The following INPP5A variants were observed in gnomAD, a reference collection of about 807,000 sequenced individuals.
INPP5A encodes 43 kDa inositol polyphosphate 5-phophatase.
In INPP5A, 14 loss-of-function variants were observed where a neutral mutation model predicts 65.2. The ratio of observed to expected loss-of-function variants is 0.21; its 90% CI spans 0.14 to 0.34. The LOEUF (loss-of-function observed/expected upper bound fraction) is 0.34. Among genes scored for constraint, INPP5A ranks in the 10% least tolerant of loss-of-function variants. The probability of loss-of-function intolerance (pLI) is 1.00; values close to 1 mark genes in which losing one functional copy is unlikely to be tolerated. For synonymous variants in INPP5A, 207 were observed against 208.3 expected, an observed-to-expected ratio of 0.99 and a Z score of 0.05; for missense variants, 431 against 545.6, an observed-to-expected ratio of 0.79 and a Z score of 2.09.
At position 132,757,204 on chromosome 10, in the gene INPP5A, C is replaced by G. The variant is rs532311148; in HGVS notation, c.903+7359C>G. ...TTCCGTATTTATAAAGTCTGACATT[C>G]TGTTACTCTCAGCGCTGGGCATTTC... On this transcript the variant is annotated intron_variant, in intron 11 of 15. Coordinates refer to ENST00000368594, the MANE Select transcript of INPP5A (RefSeq NM_005539.5). Among the ~76,000 whole-genome samples, 3 of 152,338 alleles carry G rather than the reference C, an allele frequency of 2.0e-5. No homozygotes were observed. The South Asian group carries it at 6.2e-4, about 32-fold the overall frequency.
At chr10:132,691,565 A>T (rs1247690188) in intron 5 of INPP5A, among the ~76,000 whole-genome samples, 1 of 152,250 alleles carries the variant, frequency 6.6e-6, no homozygotes, top group Non-Finnish European at 1.5e-5. Context: ...AGCCATTTGA[A>T]TACCTGTTTT....
At chr10:132,666,448 G>C (rs899773320) in intron 4 of INPP5A, among the ~76,000 whole-genome samples, 1 of 152,164 alleles carries the variant, frequency 6.6e-6, no homozygotes, top group African/African-American at 2.4e-5. Context: ...TATGGAAAAG[G>C]TGGAATTTAG....
chr10:132,730,184 C>T (rs1437510760), intron 9 of INPP5A, among the ~76,000 whole-genome samples: 3 of 152,246 alleles, frequency 2.0e-5, no homozygotes, highest in South Asian at 2.1e-4. Flanking sequence ...CTGTCCTCAG[C>T]CCCTGCGGGG....
chr10:132,592,163 A>C (rs576943766), intron 1 of INPP5A, among the ~76,000 whole-genome samples: 6 of 152,320 alleles, frequency 3.9e-5, no homozygotes, highest in Non-Finnish European at 5.9e-5. Flanking sequence ...ACAGAAAAAA[A>C]CCCCAGAAAG....
At chr10:132,770,358 G>T (rs377102153) in intron 12 of INPP5A, among the ~76,000 whole-genome samples, 1 of 152,246 alleles carries the variant, frequency 6.6e-6, no homozygotes, top group Non-Finnish European at 1.5e-5. Context: ...GCGTTTCCTC[G>T]CGGAGGCCGT....
At chr10:132,680,999 G>A (rs556715751) in intron 4 of INPP5A, among the ~76,000 whole-genome samples, 2 of 152,360 alleles carry the variant, frequency 1.3e-5, no homozygotes, top group African/African-American at 2.4e-5. Context: ...GCTCCAGGGC[G>A]CCCAGTCCCA....
intron 1 of INPP5A, among the ~76,000 whole-genome samples, chr10:132,542,921 G>A (rs1331845178): frequency 6.6e-6 from 1 of 152,190 alleles, no homozygotes; most frequent in Non-Finnish European, 1.5e-5. Context: ...TCCTGCCTCA[G>A]CCTTCTAAGT....
chr10:132,590,513 T>G lies in INPP5A; in HGVS notation c.76-17402T>G, dbSNP rs569737371. Reference sequence around the variant, plus strand: ...ACTGTTGGAACACAGGTGTGGACATTGCGACACGTGTAAAGATGTCAGTGG... The same window carrying G: ...ACTGTTGGAACACAGGTGTGGACATGGCGACACGTGTAAAGATGTCAGTGG... On this transcript the variant is annotated intron_variant, in intron 1 of 15. Coordinates refer to ENST00000368594, the MANE Select transcript of INPP5A (RefSeq NM_005539.5). 6.6e-5 allele frequency among the ~76,000 whole-genome samples: 10 copies of G among 152,192 alleles called. No homozygotes were observed. The South Asian group carries it at 2.1e-3, about 32-fold the overall frequency.
chr10:132,729,651 C>T (rs546416672), intron 9 of INPP5A, among the ~76,000 whole-genome samples: 11 of 152,332 alleles, frequency 7.2e-5, no homozygotes, highest in East Asian at 3.9e-4. Flanking sequence ...AAGGAGCCCT[C>T]GTCCCAGCCC....
At chr10:132,636,163 A>ATGTGTGTGTGTGTGTG (rs59663030) in intron 2 of INPP5A, among the ~76,000 whole-genome samples, 26 of 149,726 alleles carry the variant, frequency 1.7e-4, no homozygotes, top group East Asian at 3.9e-4. Context: ...GATAAACAAA[A>ATGTGTGTGTGTGTGTG]TGTGTGTGTG....
chr10:132,640,949 G>T (rs373639324), intron 2 of INPP5A, among the ~76,000 whole-genome samples: 1 of 152,204 alleles, frequency 6.6e-6, no homozygotes, highest in Non-Finnish European at 1.5e-5. Context: ...CGTGGGTTCA[G>T]TTTTTCCGCC....
chr10:132,590,306 G>A lies in INPP5A; in HGVS notation c.76-17609G>A, dbSNP rs1055748878. On this transcript the variant is annotated intron_variant, in intron 1 of 15. Transcript: ENST00000368594. ...GTCCTGTGTGGGGACTGACAGTATCGTCTCCGTCTGTGATGATGCCGTTCT... is the reference window on the plus strand; with the variant it reads ...GTCCTGTGTGGGGACTGACAGTATCATCTCCGTCTGTGATGATGCCGTTCT... Among the ~76,000 whole-genome samples, 11 of 152,026 alleles carry A rather than the reference G, an allele frequency of 7.2e-5. No individual in the cohort carries two copies. The East Asian group carries it at 9.6e-4, about 13-fold the overall frequency.
At chr10:132,687,532 C>T (rs1003912408) in intron 4 of INPP5A, among the ~76,000 whole-genome samples, 2 of 152,228 alleles carry the variant, frequency 1.3e-5, no homozygotes, top group African/African-American at 4.8e-5. Context: ...CTGCTGCACC[C>T]TAGACCCACC....
intron 1 of INPP5A, among the ~76,000 whole-genome samples, chr10:132,570,538 G>T (rs969595029): frequency 1.3e-5 from 2 of 152,206 alleles, no homozygotes; most frequent in Admixed American, 1.3e-4. Flanking sequence ...CGCTGGCCTG[G>T]TGCTGCTGCT....
chr10:132,666,055 A>AAAG (rs955000054), intron 4 of INPP5A, among the ~76,000 whole-genome samples: 3 of 2,122 alleles, frequency 1.4e-3, no homozygotes, highest in African/African-American at 4.1e-3. Flanking sequence ...ATCCTGTCTC[A>AAAG]AAAAAAAAAA....
At chr10:132,573,880 G>A (rs2071383079) in intron 1 of INPP5A, among the ~76,000 whole-genome samples, 6 of 137,274 alleles carry the variant, frequency 4.4e-5, no homozygotes, top group East Asian at 2.3e-4. Flanking sequence ...GTTGGGGTGT[G>A]TGTGCCGTGT....
intron 8 of INPP5A, among the ~76,000 whole-genome samples, chr10:132,720,732 G>T (rs1477565185): frequency 6.7e-6 from 1 of 149,278 alleles, no homozygotes; most frequent in Non-Finnish European, 1.5e-5. Context: ...TGGTGCCTGA[G>T]TTCTGTCTGG....
At chr10:132,589,987 C>T (rs374706461) in intron 1 of INPP5A, among the ~76,000 whole-genome samples, 92 of 152,344 alleles carry the variant, frequency 6.0e-4, no homozygotes, top group African/African-American at 2.1e-3. Context: ...TGCCAGGCCT[C>T]GGGGAGCCCC....
intron 4 of INPP5A, among the ~76,000 whole-genome samples, chr10:132,653,118 C>T (rs1475069982): frequency 1.3e-5 from 2 of 152,210 alleles, no homozygotes; most frequent in African/African-American, 4.8e-5. Flanking sequence ...CAGAGCAGGC[C>T]TCTCCGTCTG....
Sources: allele counts gnomAD v4.1 joint callset (sites outside exome capture counted in the v4.1 genomes callset), GRCh38; gene constraint gnomAD v4.1.1; transcripts MANE v1.5; gene names NCBI Gene and HGNC (gene_info 2026-07-23, HGNC 2026-07-21).